The following MEF2C variants were observed in gnomAD, a reference collection of about 807,000 sequenced individuals.
The protein encoded by MEF2C is myocyte enhancer factor 2C.
Under a neutral mutation model 50.5 loss-of-function variants are expected in MEF2C, and 6 were observed. The ratio of observed to expected loss-of-function variants is 0.12; its 90% CI spans 0.07 to 0.23. The LOEUF is 0.23. MEF2C is among the 10% of genes least tolerant of loss of function. The pLI, the probability that MEF2C is intolerant of heterozygous loss-of-function variation, is 1.00. For missense variants in MEF2C, 276 were observed against 605.0 expected (o/e 0.46, Z 5.70); for synonymous variants, 183 against 228.0 (o/e 0.80, Z 1.78).
At chr5:88,797,439 G>A (rs1228908845) in intron 3 of MEF2C, among the ~76,000 whole-genome samples, 1 of 135,020 alleles carries the variant, frequency 7.4e-6, no homozygotes, top group African/African-American at 2.9e-5. Flanking sequence ...TCACAGACTA[G>A]GATTGCAACC....
At chr5:88,886,634 A>G (rs1834074903), upstream of MEF2C, among the ~76,000 whole-genome samples, 1 of 152,218 alleles carries the variant, frequency 6.6e-6, no homozygotes, top group South Asian at 2.1e-4. Flanking sequence ...AAAGAAAATT[A>G]TGTCTGGGAT....
intron 2 of MEF2C, among the ~76,000 whole-genome samples, chr5:88,823,017 CA>C (rs1305710294): frequency 1.3e-5 from 2 of 151,914 alleles, no homozygotes; most frequent in African/African-American, 4.8e-5. Flanking sequence ...TGCAGGCATT[CA>C]TGATATACAA....
intron 1 of MEF2C, among the ~76,000 whole-genome samples, chr5:88,902,087 G>A (rs1392637026): frequency 6.6e-6 from 1 of 151,710 alleles, no homozygotes; most frequent in Non-Finnish European, 1.5e-5. Context: ...GTTCAGTTTT[G>A]CAGTAACTAT....
At chr5:88,796,985 G>C (rs1313261082) in intron 3 of MEF2C, among the ~76,000 whole-genome samples, 1 of 152,184 alleles carries the variant, frequency 6.6e-6, no homozygotes, top group African/African-American at 2.4e-5. Flanking sequence ...TGTGGTCTGA[G>C]AGACTGTTTG....
At chr5:88,866,427 T>C (rs542116997) in intron 1 of MEF2C, among the ~76,000 whole-genome samples, 10 of 152,110 alleles carry the variant, frequency 6.6e-5, no homozygotes, top group Non-Finnish European at 5.9e-5. Context: ...TTCAGAAATA[T>C]CTGAGTCCCA....
At chr5:88,728,416 A>T in intron 10 of MEF2C, 77 bp downstream of exon 10, 1 of 1,139,746 alleles carries the variant, frequency 8.8e-7, no homozygotes, top group Non-Finnish European at 1.1e-6. Flanking sequence ...TGGGATATTG[A>T]AGCACATATT....
At chr5:88,867,414 T>C (rs1827753428) in intron 1 of MEF2C, among the ~76,000 whole-genome samples, 1 of 152,194 alleles carries the variant, frequency 6.6e-6, no homozygotes, top group South Asian at 2.1e-4. Flanking sequence ...GTGGGTAACT[T>C]TGGACAAGTT....
At position 88,875,473 on chromosome 5, in the gene MEF2C, A is replaced by G. The variant is rs1028698819; in HGVS notation, c.-143+7482T>C. Among the ~76,000 whole-genome samples the G allele has an allele frequency of 2.0e-5, 3 of 152,014 alleles. No homozygotes were observed. The East Asian group carries it at 5.8e-4, about 29-fold the overall frequency. Reference sequence around the variant, plus strand: ...GGAATATAATGCACAAGCTTCATTGAAAAGAAACCATTATATTTTTCTTTT... The same window carrying G: ...GGAATATAATGCACAAGCTTCATTGGAAAGAAACCATTATATTTTTCTTTT... On this transcript the variant is annotated intron_variant, in intron 1 of 10. Coordinates refer to ENST00000504921, the MANE Select transcript of MEF2C (RefSeq NM_002397.5).
intron 4 of MEF2C, among the ~76,000 whole-genome samples, chr5:88,757,477 C>T (rs1482953417): frequency 6.6e-6 from 1 of 152,144 alleles, no homozygotes; most frequent in South Asian, 2.1e-4. Context: ...ATCTAAATTC[C>T]CTCAAGGCTG....
chr5:88,796,000 A>G (rs1305970951), intron 3 of MEF2C, among the ~76,000 whole-genome samples: 1 of 152,164 alleles, frequency 6.6e-6, no homozygotes, highest in Non-Finnish European at 1.5e-5. Context: ...TGACTTGATC[A>G]TGGTGGATAA....
chr5:88,760,168 A>G (rs1777205390), intron 4 of MEF2C, among the ~76,000 whole-genome samples: 1 of 152,266 alleles, frequency 6.6e-6, no homozygotes, highest in African/African-American at 2.4e-5. Flanking sequence ...CAGCCACAAA[A>G]TTAACATTAT....
At chr5:88,757,438 C>G (rs1332796281) in intron 4 of MEF2C, among the ~76,000 whole-genome samples, 3 of 152,004 alleles carry the variant, frequency 2.0e-5, no homozygotes, top group Non-Finnish European at 4.4e-5. Flanking sequence ...TCATACAACT[C>G]TGATGACTTG....
intron 4 of MEF2C, among the ~76,000 whole-genome samples, chr5:88,755,903 G>A (rs948168426): frequency 6.6e-6 from 1 of 152,212 alleles, no homozygotes; most frequent in Non-Finnish European, 1.5e-5. Flanking sequence ...AAGCAGGTCA[G>A]TGAAAGTCAT....
chr5:88,805,295 C>T (rs761114423), intron 2 of MEF2C, among the ~76,000 whole-genome samples: 12 of 152,122 alleles, frequency 7.9e-5, no homozygotes, highest in Non-Finnish European at 1.6e-4. Flanking sequence ...TGATCTCAGA[C>T]GATGTTGTAT....
At chr5:88,759,896 G>GTA (rs1294199888) in intron 4 of MEF2C, among the ~76,000 whole-genome samples, 5 of 152,208 alleles carry the variant, frequency 3.3e-5, no homozygotes, top group African/African-American at 1.2e-4. Flanking sequence ...AGCTACTATG[G>GTA]TAAAGTATTA....
chr5:88,819,891 C>T (rs1377965381), intron 2 of MEF2C, among the ~76,000 whole-genome samples: 4 of 151,864 alleles, frequency 2.6e-5, no homozygotes, highest in Non-Finnish European at 5.9e-5. Context: ...AAAATATTTG[C>T]TATGTGGTCC....
intron 3 of MEF2C, among the ~76,000 whole-genome samples, chr5:88,799,353 G>C (rs775950572): frequency 2.6e-5 from 4 of 152,334 alleles, no homozygotes; most frequent in Middle Eastern, 3.4e-3. Flanking sequence ...CAGAGAGGAG[G>C]AATCTAGAGA....
At chr5:88,836,579 C>G (rs1481869901) in intron 1 of MEF2C, among the ~76,000 whole-genome samples, 1 of 152,134 alleles carries the variant, frequency 6.6e-6, no homozygotes, top group Non-Finnish European at 1.5e-5. Flanking sequence ...AATGTTTCCT[C>G]CATACAATCC....
upstream of MEF2C, among the ~76,000 whole-genome samples, chr5:88,884,799 CAA>C (rs34331976): frequency 7.5e-3 from 817 of 109,236 alleles, 6 homozygotes; most frequent in African/African-American, 0.021. Flanking sequence ...CTTTTCCTTA[CAA>C]AAAAAAAAAA....
Sources: allele counts gnomAD v4.1 joint callset (sites outside exome capture counted in the v4.1 genomes callset), GRCh38; gene constraint gnomAD v4.1.1; transcripts MANE v1.5; gene names NCBI Gene and HGNC (gene_info 2026-07-23, HGNC 2026-07-21).